The following ITGA9 variants were observed in gnomAD, a reference collection of about 807,000 sequenced individuals.
ITGA9 encodes the protein integrin subunit alpha 9.
ITGA9 carries 56 observed loss-of-function variants against 127.8 expected under a neutral mutation model. The observed-to-expected ratio is 0.44, with a 90% confidence interval of 0.35 to 0.55. ITGA9 has a LOEUF of 0.55. Ranked by LOEUF, ITGA9 falls within the 20% of genes least tolerant of loss-of-function variation. The pLI is 0.00. For synonymous variants in ITGA9, 508 were observed against 514.5 expected (o/e 0.99, Z 0.17); for missense variants, 1,196 against 1,347.1 (o/e 0.89, Z 1.76).
intron 15 of ITGA9, among the ~76,000 whole-genome samples, chr3:37,572,459 A>C (rs1293220344): frequency 1.3e-5 from 2 of 152,134 alleles, no homozygotes; most frequent in African/African-American, 4.8e-5. Context: ...GTGTGATCCT[A>C]AGCCAGTGAT....
Position 37,511,999 on chromosome 3 carries a change from T to C in ITGA9, c.898-1764T>C, listed in dbSNP as rs928911189. Among the ~76,000 whole-genome samples, 43 of 51,502 alleles carry C rather than the reference T, an allele frequency of 8.3e-4. 1 individual carries two copies. The highest frequency in any genetic ancestry group is 1.5e-3 in the African/African-American group (27 of 18,344). The allele number at this position is 51,502 out of a possible 152,430, so 33.8% of individuals were successfully genotyped here. A position where few individuals can be genotyped will look rare whatever the true frequency, so the allele number is the denominator to read the frequency against. ...TTTTCTTTTCTTTTCTTTTCTTTTC[T>C]TTTCTTTTCTTTTCTTTTCTTTTCT... On this transcript the variant is annotated intron_variant, in intron 8 of 27. Transcript: ENST00000264741.
chr3:37,520,592 G>A (rs1214299866), intron 11 of ITGA9, among the ~76,000 whole-genome samples: 1 of 152,214 alleles, frequency 6.6e-6, no homozygotes, highest in Admixed American at 6.5e-5. Flanking sequence ...ATTTTGCCAT[G>A]AGGCATACAT....
rs149382657 is a variant in ITGA9, at chr3:37,748,380, T to G, written c.2434-2082T>G. The G allele has an allele frequency of 8.9e-4, 534 of 603,302 alleles. 3 individuals carry two copies. The highest frequency in any genetic ancestry group is 8.7e-3 in the African/African-American group (476 of 54,438). 37.4% of individuals were successfully genotyped at this position (603,302 alleles called of 1,614,324 possible). A position where few individuals can be genotyped will look rare whatever the true frequency, so the allele number is the denominator to read the frequency against. On this transcript the variant is annotated intron_variant, in intron 22 of 27. Coordinates refer to ENST00000264741, the MANE Select transcript of ITGA9 (RefSeq NM_002207.3). ...GCAAGATTCTTGCCAAGAAAATTAATGTACGTATTGAGCACATTAAGCACT... is the reference window on the plus strand; with the variant it reads ...GCAAGATTCTTGCCAAGAAAATTAAGGTACGTATTGAGCACATTAAGCACT...
intron 17 of ITGA9, among the ~76,000 whole-genome samples, chr3:37,665,058 C>T (rs567365467): frequency 1.3e-4 from 20 of 149,196 alleles, no homozygotes; most frequent in Admixed American, 1.3e-3. Context: ...CTGCAACCTT[C>T]TCCGCCTGGG....
At chr3:37,466,438 C>T (rs754853277) in intron 1 of ITGA9, among the ~76,000 whole-genome samples, 9 of 136,714 alleles carry the variant, frequency 6.6e-5, no homozygotes, top group Non-Finnish European at 6.1e-5. Flanking sequence ...GAGCGGAGAT[C>T]GCCGCACTGC....
At chr3:37,766,071 T>C (rs1375682019) in intron 23 of ITGA9, among the ~76,000 whole-genome samples, 7 of 152,244 alleles carry the variant, frequency 4.6e-5, no homozygotes, top group Admixed American at 4.6e-4. Flanking sequence ...GCAGGGGTGA[T>C]GGGTTGTTAC....
In ITGA9 at chr3:37,712,099, A is replaced by G. The variant is rs142851483; in HGVS notation, c.2068-20613A>G. Among the ~76,000 whole-genome samples, 462 of 152,162 alleles carry G rather than the reference A, an allele frequency of 3.0e-3. 2 individuals carry two copies. The highest frequency in any genetic ancestry group is 0.01 in the African/African-American group (431 of 41,498). On this transcript the variant is annotated intron_variant, in intron 18 of 27. Coordinates refer to ENST00000264741, the MANE Select transcript of ITGA9 (RefSeq NM_002207.3). The stretch of plus-strand genomic sequence containing the variant: ...ACAAATATTCAGCTTAGAATGTGCC[A>G]GGGAGGGGAGGAACATACCTCCTAT...
At chr3:37,815,250 A>C (rs536771366) in intron 27 of ITGA9, among the ~76,000 whole-genome samples, 1 of 152,356 alleles carries the variant, frequency 6.6e-6, no homozygotes, top group South Asian at 2.1e-4. Flanking sequence ...TGTCTATGTC[A>C]AATCCTTACA....
chr3:37,517,553 C>A lies in ITGA9; in HGVS notation c.1085C>A (p.Ala362Glu). Residue 362 changes from alanine (A) to glutamate (E), a missense_variant, in exon 10 of 28, where the codon GCG becomes GAG. Physicochemically the swap from Ala to Glu is moderately radical, Grantham distance 107. Transcript: ENST00000264741. Reference sequence around the variant, plus strand: ...CTGACTGGGGATGGTGCCTACAATGCGCACTTTGGAGAGAGCATTGCCAGC... The same window carrying A: ...CTGACTGGGGATGGTGCCTACAATGAGCACTTTGGAGAGAGCATTGCCAGC... ...LALTGDGAYN[A>E]HFGESIASLD... is the part of the protein sequence containing the mutation. 6.3e-7 allele frequency: 1 copy of A among 1,599,566 alleles called. No individual in the cohort carries two copies. Among genetic ancestry groups the A allele is most frequent in the Non-Finnish European group, 8.5e-7 (1 of 1,173,030 alleles).
intron 13 of ITGA9, among the ~76,000 whole-genome samples, chr3:37,529,551 A>C (rs1003708282): frequency 6.9e-4 from 105 of 152,222 alleles, no homozygotes; most frequent in Admixed American, 6.8e-3. Flanking sequence ...TGGGACCAGC[A>C]GGTAGTTCAG....
chr3:37,481,464 A>G lies in ITGA9; in HGVS notation c.421-20A>G, dbSNP rs538249187. On this transcript the variant is annotated intron_variant, in intron 3 of 27. Transcript: ENST00000264741. ...TTTGGGGCCAACTTTCCTGCTCTCA[A>G]CTGCTCTCTATCCCTTTAGGCCTGT... is the stretch of plus-strand genomic sequence containing the variant. 8.7e-6 allele frequency: 14 copies of G among 1,614,084 alleles called. No individual in the cohort carries two copies. Among genetic ancestry groups the G allele is most frequent in the Non-Finnish European group, 1.2e-5 (14 of 1,180,002 alleles).
At chr3:37,464,499 C>A (rs11925798) in intron 1 of ITGA9, among the ~76,000 whole-genome samples, 1 of 152,090 alleles carries the variant, frequency 6.6e-6, no homozygotes, top group East Asian at 1.9e-4. Flanking sequence ...TTTGCTTAAA[C>A]CTTACAAGAA....
chr3:37,766,313 A>G (rs1054810607), intron 23 of ITGA9, among the ~76,000 whole-genome samples: 24 of 152,220 alleles, frequency 1.6e-4, no homozygotes, highest in African/African-American at 5.3e-4. Context: ...CAGGGAGCCA[A>G]CCTCACTTAC....
intron 23 of ITGA9, among the ~76,000 whole-genome samples, chr3:37,755,575 A>G (rs893900190): frequency 1.3e-5 from 2 of 152,258 alleles, no homozygotes; most frequent in Non-Finnish European, 2.9e-5. Context: ...TAAATTCAAG[A>G]TATTGATCAT....
chr3:37,747,471 T>C (rs1029573627), intron 22 of ITGA9, among the ~76,000 whole-genome samples: 4 of 152,180 alleles, frequency 2.6e-5, no homozygotes, highest in Admixed American at 6.5e-5. Context: ...TATTGTGCTA[T>C]CAATTGCTAG....
chr3:37,623,614 T>C (rs1700146877), intron 15 of ITGA9, among the ~76,000 whole-genome samples: 1 of 152,136 alleles, frequency 6.6e-6, no homozygotes, highest in Admixed American at 6.6e-5. Flanking sequence ...TTTTTTTAAA[T>C]GAACCTGGCA....
chr3:37,671,808 G>C lies in ITGA9; in HGVS notation c.1917-12057G>C, dbSNP rs149999656. The stretch of plus-strand genomic sequence containing the variant: ...TGATTAGAAGGGATTTCTAAAGCAT[G>C]ATGAGATGGGGAAGCACAATTCAAA... On this transcript the variant is annotated intron_variant, in intron 17 of 27. Coordinates refer to ENST00000264741, the MANE Select transcript of ITGA9 (RefSeq NM_002207.3). 1.4e-3 allele frequency among the ~76,000 whole-genome samples: 210 copies of C among 152,266 alleles called. 1 individual carries two copies. The highest frequency in any genetic ancestry group is 4.8e-3 in the African/African-American group (198 of 41,556).
chr3:37,766,061 G>T (rs1696776693), intron 23 of ITGA9, among the ~76,000 whole-genome samples: 1 of 152,256 alleles, frequency 6.6e-6, no homozygotes, highest in Admixed American at 6.5e-5. Flanking sequence ...CCTTGCCATG[G>T]CAGGGGTGAT....
chr3:37,530,717 GTTTT>G (rs71094916), intron 13 of ITGA9, among the ~76,000 whole-genome samples: 1 of 86,238 alleles, frequency 1.2e-5, no homozygotes, highest in Admixed American at 1.5e-4. Context: ...CAGCTACCAG[GTTTT>G]TTTTTTTTTT....
Sources: allele counts gnomAD v4.1 joint callset (sites outside exome capture counted in the v4.1 genomes callset), GRCh38; gene constraint gnomAD v4.1.1; transcripts MANE v1.5; gene names NCBI Gene and HGNC (gene_info 2026-07-23, HGNC 2026-07-21).